SNX30: variants seen among roughly 807,000 people sequenced by gnomAD.
SNX30 encodes the protein sorting nexin-30.
Under a neutral mutation model 46.4 loss-of-function variants are expected in SNX30, and 24 were observed. That is an observed-to-expected ratio of 0.52 (90% CI 0.37 to 0.73). The LOEUF is 0.73. SNX30 is among the 30% of genes least tolerant of loss of function. SNX30 has a pLI of 0.00. For synonymous variants in SNX30, 189 were observed against 211.5 expected (o/e 0.89, Z 0.92); for missense variants, 533 against 555.7 (o/e 0.96, Z 0.41).
intron 8 of SNX30, chr9:112,866,512 A>AG: frequency 2.1e-6 from 1 of 470,778 alleles, no homozygotes. Flanking sequence ...GTGATGGCCT[A>AG]GGGAGAGAGC....
intron 1 of SNX30, among the ~76,000 whole-genome samples, chr9:112,757,471 G>C (rs1355312046): frequency 6.6e-6 from 1 of 152,214 alleles, no homozygotes; most frequent in Non-Finnish European, 1.5e-5. Flanking sequence ...TGGGAGTGCA[G>C]ATATCTTTAT....
At chr9:112,805,041 CT>C in intron 2 of SNX30, 74 bp downstream of exon 2, 1 of 1,203,796 alleles carries the variant, frequency 8.3e-7, no homozygotes. Flanking sequence ...TGAATTTTGC[CT>C]TTGCTCTCCC....
At chr9:112,847,654 G>A (rs1218149478) in intron 6 of SNX30, among the ~76,000 whole-genome samples, 1 of 152,210 alleles carries the variant, frequency 6.6e-6, no homozygotes, top group East Asian at 1.9e-4. Flanking sequence ...ATTTGTTAAA[G>A]AATCATCTGT....
Position 112,873,414 on chromosome 9 carries a change from C to T in SNX30, c.*4571C>T, listed in dbSNP as rs1430346466. 6.6e-6 allele frequency: 1 copy of T among 152,158 alleles called. No homozygotes were observed. Among genetic ancestry groups the T allele is most frequent in the East Asian group, 1.9e-4 (1 of 5,200 alleles). 9.4% of individuals were successfully genotyped at this position (152,158 alleles called of 1,614,324 possible). A position where few individuals can be genotyped will look rare whatever the true frequency, so the allele number is the denominator to read the frequency against. On this transcript the variant is annotated 3_prime_UTR_variant, in exon 9 of 9. Transcript: ENST00000374232. ...ACTAATATGCCTTATTCTTCTTCAC[C>T]TAGTGTTTTAAAAGTCCTGGGTAGA...
chr9:112,875,933 C>A (rs953126619), downstream of SNX30: 8 of 152,176 alleles, frequency 5.3e-5, no homozygotes, highest in Non-Finnish European at 1.2e-4. Flanking sequence ...GCTACAGGTA[C>A]GTGCCACCAT....
At chr9:112,829,940 T>C (rs1365643777) in intron 3 of SNX30, among the ~76,000 whole-genome samples, 1 of 152,222 alleles carries the variant, frequency 6.6e-6, no homozygotes, top group Non-Finnish European at 1.5e-5. Flanking sequence ...AAATGTACAA[T>C]TTTAAAAATA....
intron 1 of SNX30, among the ~76,000 whole-genome samples, chr9:112,766,744 A>G (rs1839543469): frequency 6.6e-6 from 1 of 152,228 alleles, no homozygotes; most frequent in African/African-American, 2.4e-5. Context: ...TATTTCACTT[A>G]GCATAACATC....
chr9:112,760,387 A>G (rs1839416889), intron 1 of SNX30, among the ~76,000 whole-genome samples: 1 of 152,188 alleles, frequency 6.6e-6, no homozygotes, highest in African/African-American at 2.4e-5. Context: ...CATCCTTCCC[A>G]TTCTGGTCTA....
chr9:112,763,680 C>T (rs1435326618), intron 1 of SNX30, among the ~76,000 whole-genome samples: 3 of 151,874 alleles, frequency 2.0e-5, no homozygotes, highest in Non-Finnish European at 2.9e-5. Context: ...GAAACCACGT[C>T]TCTACTAAAA....
At chr9:112,770,241 G>A (rs1026145163) in intron 1 of SNX30, among the ~76,000 whole-genome samples, 20 of 151,600 alleles carry the variant, frequency 1.3e-4, no homozygotes, top group Admixed American at 5.9e-4. Flanking sequence ...GTGCGGTTTC[G>A]ACTCACTGCA....
chr9:112,841,234 GGC>G (rs1840852027), intron 6 of SNX30, among the ~76,000 whole-genome samples: 4 of 151,970 alleles, frequency 2.6e-5, no homozygotes, highest in Admixed American at 2.6e-4. Context: ...TTTTTCCTGT[GGC>G]AAGTATGTTA....
At chr9:112,868,706 G>T in intron 8 of SNX30, 78 bp from the exon 9 acceptor site, 1 of 1,470,216 alleles carries the variant, frequency 6.8e-7, no homozygotes, top group Non-Finnish European at 9.5e-7. Flanking sequence ...CAACGAAAGG[G>T]TAGGTCAGAG....
chr9:112,795,273 C>T (rs1020783093), intron 1 of SNX30, among the ~76,000 whole-genome samples: 2 of 152,062 alleles, frequency 1.3e-5, no homozygotes, highest in Admixed American at 6.5e-5. Flanking sequence ...TAACTCAATC[C>T]CACTATACCC....
At chr9:112,848,488 G>A (rs1203688191) in intron 6 of SNX30, among the ~76,000 whole-genome samples, 1 of 152,216 alleles carries the variant, frequency 6.6e-6, no homozygotes, top group Non-Finnish European at 1.5e-5. Context: ...CTGGAAGGCA[G>A]CAGGAACAGC....
intron 8 of SNX30, among the ~76,000 whole-genome samples, chr9:112,867,683 C>T (rs974689613): frequency 4.6e-5 from 7 of 151,548 alleles, no homozygotes; most frequent in African/African-American, 1.7e-4. Flanking sequence ...ATTTCTCCCA[C>T]CTCTTCAGAA....
At chr9:112,816,564 A>G (rs1171768823) in intron 2 of SNX30, among the ~76,000 whole-genome samples, 1 of 152,234 alleles carries the variant, frequency 6.6e-6, no homozygotes, top group African/African-American at 2.4e-5. Flanking sequence ...GGTCAGTCCA[A>G]GAATGAGTCC....
At chr9:112,861,910 G>A (rs915748102) in intron 7 of SNX30, among the ~76,000 whole-genome samples, 2 of 148,558 alleles carry the variant, frequency 1.3e-5, no homozygotes, top group Admixed American at 1.4e-4. Flanking sequence ...TGCTTATCAC[G>A]GGGGCTGCAG....
At chr9:112,807,032 C>T (rs1263013555) in intron 2 of SNX30, among the ~76,000 whole-genome samples, 4 of 139,262 alleles carry the variant, frequency 2.9e-5, no homozygotes, top group Non-Finnish European at 6.2e-5. Flanking sequence ...GATGTTACTA[C>T]TCTGTCTTTT....
At chr9:112,860,902 A>G (rs866206421) in intron 7 of SNX30, among the ~76,000 whole-genome samples, 1 of 152,234 alleles carries the variant, frequency 6.6e-6, no homozygotes, top group Admixed American at 6.5e-5. Context: ...AGCACTTACT[A>G]TATGCCAGGC....
Sources: gnomAD v4.1 joint callset for allele counts (sites outside exome capture counted in the v4.1 genomes callset) on GRCh38, gnomAD v4.1.1 for gene constraint, MANE v1.5 for transcripts, NCBI Gene and HGNC (gene_info 2026-07-23, HGNC 2026-07-21) for gene names.